The following CRADD variants were observed in gnomAD, a reference collection of about 807,000 sequenced individuals.
The protein encoded by CRADD is CARD and death domain containing adaptor protein.
CRADD carries 9 observed loss-of-function variants against 15.5 expected under a neutral mutation model. The observed-to-expected ratio is 0.58, with a 90% CI of 0.35 to 1.01. CRADD has a LOEUF of 1.01. Among genes scored for constraint, CRADD ranks in the 50% least tolerant of loss-of-function variants. The pLI, the probability that CRADD is intolerant of heterozygous loss-of-function variation, is 0.02. For synonymous variants in CRADD, 118 were observed against 107.6 expected, an observed-to-expected ratio of 1.10 and a Z score of -0.60; for missense variants, 227 against 250.3, an observed-to-expected ratio of 0.91 and a Z score of 0.63.
chr12:93,756,954 C>T (rs940463816), intron 2 of CRADD, among the ~76,000 whole-genome samples: 2 of 152,206 alleles, frequency 1.3e-5, no homozygotes, highest in Non-Finnish European at 2.9e-5. Context: ...TTCAGTTTAA[C>T]AGAAAATCAG....
intron 2 of CRADD, among the ~76,000 whole-genome samples, chr12:93,710,564 C>T (rs932604635): frequency 1.7e-4 from 26 of 152,118 alleles, no homozygotes; most frequent in African/African-American, 6.3e-4. Context: ...AGGCTGGTCT[C>T]GAACTCTTGA....
At chr12:93,718,111 C>T (rs558498940) in intron 2 of CRADD, among the ~76,000 whole-genome samples, 122 of 152,296 alleles carry the variant, frequency 8.0e-4, no homozygotes, top group African/African-American at 2.9e-3. Context: ...CAGGTAGTGG[C>T]AGTCCTTAAA....
chr12:93,868,777 C>A (rs1055562298), intron 2 of CRADD, among the ~76,000 whole-genome samples: 4 of 151,874 alleles, frequency 2.6e-5, no homozygotes, highest in African/African-American at 9.7e-5. Flanking sequence ...GGTTTTTCAC[C>A]TGCAGACATC....
chr12:93,767,441 T>C (rs933357378), intron 2 of CRADD, among the ~76,000 whole-genome samples: 1 of 152,248 alleles, frequency 6.6e-6, no homozygotes, highest in African/African-American at 2.4e-5. Context: ...TATACATTTA[T>C]TCTGTGTCCT....
intron 2 of CRADD, among the ~76,000 whole-genome samples, chr12:93,873,456 T>C (rs1958436413): frequency 6.6e-6 from 1 of 152,144 alleles, no homozygotes; most frequent in African/African-American, 2.4e-5. Flanking sequence ...TTAATAACAG[T>C]GGTGAAAGTG....
downstream of CRADD, among the ~76,000 whole-genome samples, chr12:93,855,028 C>G (rs1958261090): frequency 6.6e-6 from 1 of 151,916 alleles, no homozygotes; most frequent in African/African-American, 2.4e-5. Flanking sequence ...AACCCCGTCT[C>G]TACTAAAAAT....
In CRADD at chr12:93,731,700, A is replaced by G. The variant is rs536273751; in HGVS notation, c.298+52628A>G. Among the ~76,000 whole-genome samples the G allele has an allele frequency of 2.6e-5, 4 of 152,376 alleles. No homozygotes were observed. The East Asian group carries it at 7.7e-4, about 29-fold the overall frequency. On this transcript the variant is annotated intron_variant, in intron 2 of 2. Transcript: ENST00000332896. ...ATATAGCTATGTTTGCTTAACAAAT[A>G]TAGCCATATAGCTTAACGAGTATAG...
At chr12:93,839,956 C>A (rs1019224150) in intron 2 of CRADD, among the ~76,000 whole-genome samples, 1 of 152,200 alleles carries the variant, frequency 6.6e-6, no homozygotes, top group Non-Finnish European at 1.5e-5. Flanking sequence ...CTTCTGACCA[C>A]AGGCCATAAA....
At chr12:93,807,461 G>T (rs1957552047) in intron 2 of CRADD, among the ~76,000 whole-genome samples, 1 of 152,070 alleles carries the variant, frequency 6.6e-6, no homozygotes, top group Non-Finnish European at 1.5e-5. Flanking sequence ...CTTTCAAGCT[G>T]CTGGATCAAG....
chr12:93,817,730 G>T (rs1957722971), intron 2 of CRADD, among the ~76,000 whole-genome samples: 1 of 151,922 alleles, frequency 6.6e-6, no homozygotes, highest in Non-Finnish European at 1.5e-5. Context: ...TTCTCAACTG[G>T]TTTTCCATTT....
At position 93,678,917 on chromosome 12, in the gene CRADD, C is replaced by T. The variant is rs769946054; in HGVS notation, c.143C>T (p.Thr48Ile). The stretch of plus-strand genomic sequence containing the variant: ...CATATTCAAGAAATCAATGCTCAAA[C>T]CACAGGCCTCCGGAAAACAATGCTC... ...ENHIQEINAQ[T>I]TGLRKTMLLL... The change falls in exon 2 of 3, where the codon ACC (threonine) becomes ATC (isoleucine). Residue 48 changes from threonine (T) to isoleucine (I), a missense_variant. Thr to Ile is a moderately conservative substitution (Grantham distance 89). Coordinates refer to ENST00000332896, the MANE Select transcript of CRADD (RefSeq NM_003805.5). 1 of 1,614,186 alleles carries T rather than the reference C, an allele frequency of 6.2e-7. No individual in the cohort carries two copies. Among genetic ancestry groups the T allele is most frequent in the Non-Finnish European group, 8.5e-7 (1 of 1,180,026 alleles).
At chr12:93,734,647 A>G (rs1164415364) in intron 2 of CRADD, among the ~76,000 whole-genome samples, 2 of 152,174 alleles carry the variant, frequency 1.3e-5, no homozygotes, top group Admixed American at 6.5e-5. Flanking sequence ...ACACCACTGC[A>G]TCATCAGGCC....
intron 2 of CRADD, among the ~76,000 whole-genome samples, chr12:93,793,432 G>T (rs2136987839): frequency 6.6e-6 from 1 of 152,260 alleles, no homozygotes; most frequent in Middle Eastern, 3.4e-3. Context: ...TGTTCAGGTG[G>T]AAACCCCTCG....
chr12:93,736,281 A>G (rs1956567388), intron 2 of CRADD, among the ~76,000 whole-genome samples: 1 of 152,172 alleles, frequency 6.6e-6, no homozygotes. Context: ...AAATAACAGT[A>G]CAGTACATTG....
intron 2 of CRADD, among the ~76,000 whole-genome samples, chr12:93,783,329 C>T (rs952203615): frequency 6.6e-6 from 1 of 150,528 alleles, no homozygotes; most frequent in African/African-American, 2.4e-5. Context: ...CCCACAAATC[C>T]AGGTCTGCCT....
chr12:93,763,696 CTTGCTTT>C (rs1171099028), intron 2 of CRADD, among the ~76,000 whole-genome samples: 2 of 151,984 alleles, frequency 1.3e-5, no homozygotes, highest in African/African-American at 4.8e-5. Context: ...ACATTGTCTT[CTTGCTTT>C]TTGCAGAGGC....
At chr12:93,776,663 CT>C (rs1957143901) in intron 2 of CRADD, among the ~76,000 whole-genome samples, 2 of 152,306 alleles carry the variant, frequency 1.3e-5, no homozygotes, top group Admixed American at 1.3e-4. Context: ...AAACAGCCCA[CT>C]GTTCATCCAG....
chr12:93,719,771 G>T (rs1375057816), intron 2 of CRADD, among the ~76,000 whole-genome samples: 1 of 151,988 alleles, frequency 6.6e-6, no homozygotes, highest in East Asian at 1.9e-4. Flanking sequence ...ATGTTCATGG[G>T]ATCTGTAATG....
intron 2 of CRADD, among the ~76,000 whole-genome samples, chr12:93,752,795 A>G (rs1393577341): frequency 1.3e-5 from 2 of 152,210 alleles, no homozygotes; most frequent in African/African-American, 2.4e-5. Context: ...TGCTGCTGAT[A>G]AAGATATACC....
Sources: allele counts gnomAD v4.1 joint callset (sites outside exome capture counted in the v4.1 genomes callset), GRCh38; gene constraint gnomAD v4.1.1; transcripts MANE v1.5; gene names NCBI Gene and HGNC (gene_info 2026-07-23, HGNC 2026-07-21).